FAM227B: variants seen among roughly 807,000 people sequenced by gnomAD.
FAM227B encodes family with sequence similarity 227 member B.
A neutral mutation model predicts 73.8 loss-of-function variants in FAM227B; 88 were observed. The ratio of observed to expected loss-of-function variants is 1.19; its 90% CI spans 1.00 to 1.42. FAM227B has a LOEUF of 1.42. FAM227B is among the 40% of genes most tolerant of loss of function. The pLI, the probability that FAM227B is intolerant of heterozygous loss-of-function variation, is 0.00. For synonymous variants in FAM227B, 210 were observed against 190.5 expected (o/e 1.10, Z -0.84); for missense variants, 632 against 590.9 (o/e 1.07, Z -0.72).
rs2074817726 is a variant in FAM227B at position 49,568,272 on chromosome 15, AG to A, written c.719del (p.Pro240LeufsTer2). ...GAAAAAATGCATCCTTTCGACTTAG[AG>A]GTATGCTCATGAAAAGTGTCACATA... is the stretch of plus-strand genomic sequence containing the variant. ...ESYVTLFMSIPLSRKDAFFQI... is the reference protein window; with the variant it reads ...ESYVTLFMSIXLSRKDAFFQI... On this transcript the variant is annotated frameshift_variant, in exon 9 of 16. Coordinates refer to ENST00000299338, the MANE Select transcript of FAM227B (RefSeq NM_152647.3). LOFTEE classifies it high-confidence loss of function. 2 of 1,609,478 alleles carry A rather than the reference AG, an allele frequency of 1.2e-6. No homozygotes were observed. The highest frequency in any genetic ancestry group is 1.7e-6 in the Non-Finnish European group (2 of 1,178,146).
At position 49,589,915 on chromosome 15, in the gene FAM227B, A is replaced by C. The variant is rs778713585; in HGVS notation, c.198T>G (p.Ile66Met). 3.9e-5 allele frequency: 62 copies of C among 1,593,818 alleles called. No individual in the cohort carries two copies. Among genetic ancestry groups the C allele is most frequent in the Non-Finnish European group, 5.3e-5 (62 of 1,161,716 alleles). Residue 66 changes from isoleucine to methionine, a missense_variant, in exon 4 of 16, where the codon ATT becomes ATG. Ile to Met is a conservative substitution (Grantham distance 10, BLOSUM62 1). Coordinates refer to ENST00000299338, the MANE Select transcript of FAM227B (RefSeq NM_152647.3). ...KIKEDSSFVS[I>M]YTHLWENVPR... is the part of the protein sequence containing the mutation. ...GAACATTTTCCCATAGGTGTGTATA[A>C]ATTGAAACAAATGAACTATCTTCTT...
intron 11 of FAM227B, among the ~76,000 whole-genome samples, chr15:49,445,498 C>T (rs541484677): frequency 2.6e-5 from 4 of 151,492 alleles, no homozygotes; most frequent in East Asian, 3.9e-4. Context: ...CTAAAACAAA[C>T]AGACCTTTTG....
At chr15:49,510,648 A>G (rs958527202) in intron 10 of FAM227B, among the ~76,000 whole-genome samples, 1 of 152,038 alleles carries the variant, frequency 6.6e-6, no homozygotes, top group Non-Finnish European at 1.5e-5. Flanking sequence ...AGTATTTTGG[A>G]GATTCAATTT....
intron 9 of FAM227B, among the ~76,000 whole-genome samples, chr15:49,543,822 T>TGAA (rs2071427491): frequency 6.6e-6 from 1 of 152,224 alleles, no homozygotes; most frequent in Admixed American, 6.5e-5. Flanking sequence ...TATTTGGCTT[T>TGAA]ATTTCAGTGT....
chr15:49,365,809 A>G, intron 13 of FAM227B: 1 of 868,354 alleles, frequency 1.2e-6, no homozygotes. Flanking sequence ...CAGTCCAGAG[A>G]GAAACATAAG....
intron 11 of FAM227B, among the ~76,000 whole-genome samples, chr15:49,372,243 C>CTTATAAATAAATGAAATAAAATCCAT (rs1567172933): frequency 3.9e-5 from 5 of 128,514 alleles, no homozygotes; most frequent in African/African-American, 1.1e-4. Flanking sequence ...ATAAAATTCA[C>CTTATAAATAAATGAAATAAAATCCAT]TTATAAATAA....
intron 11 of FAM227B, chr15:49,422,442 G>A (rs1044346676): frequency 1.3e-5 from 11 of 866,010 alleles, no homozygotes; most frequent in Non-Finnish European, 1.5e-5. Context: ...TATTCTTATT[G>A]AGGCAAAAAT....
intron 11 of FAM227B, among the ~76,000 whole-genome samples, chr15:49,492,246 T>C (rs2057179048): frequency 6.6e-6 from 1 of 151,962 alleles, no homozygotes; most frequent in African/African-American, 2.4e-5. Context: ...CTGTATACAA[T>C]TTAAATAGAA....
chr15:49,383,628 A>C (rs369014938), intron 11 of FAM227B, among the ~76,000 whole-genome samples: 2 of 152,252 alleles, frequency 1.3e-5, no homozygotes, highest in East Asian at 3.9e-4. Context: ...CAAAAAGTAC[A>C]GTCCCACAAA....
intron 10 of FAM227B, among the ~76,000 whole-genome samples, chr15:49,532,300 A>G (rs948890217): frequency 1.3e-5 from 2 of 151,742 alleles, no homozygotes; most frequent in African/African-American, 4.8e-5. Context: ...ATTATAGTTA[A>G]ACATCATGAG....
At chr15:49,421,402 T>C (rs1299741765) in intron 11 of FAM227B, among the ~76,000 whole-genome samples, 1 of 152,248 alleles carries the variant, frequency 6.6e-6, no homozygotes, top group African/African-American at 2.4e-5. Flanking sequence ...TGTTCATTAA[T>C]ATTACTTGGA....
chr15:49,366,832 A>T (rs2045299263), intron 13 of FAM227B: 4 of 542,032 alleles, frequency 7.4e-6, no homozygotes, highest in Non-Finnish European at 1.3e-5. Flanking sequence ...TGCAGCCCAC[A>T]CTCTAATTTA....
At chr15:49,345,663 C>T (rs967338256) in intron 13 of FAM227B, among the ~76,000 whole-genome samples, 2 of 152,188 alleles carry the variant, frequency 1.3e-5, no homozygotes, top group Non-Finnish European at 2.9e-5. Flanking sequence ...TGGTAAGCCA[C>T]TGAATGGAAG....
intron 3 of FAM227B, among the ~76,000 whole-genome samples, chr15:49,596,090 T>C (rs183584236): frequency 1.3e-5 from 2 of 152,080 alleles, no homozygotes; most frequent in Admixed American, 6.5e-5. Context: ...AATCTAGACA[T>C]GCAAACAGAG....
intron 11 of FAM227B, among the ~76,000 whole-genome samples, chr15:49,498,948 C>A (rs1365440255): frequency 6.6e-6 from 1 of 151,630 alleles, no homozygotes; most frequent in Admixed American, 6.6e-5. Flanking sequence ...GGGCGGATCA[C>A]GAGGTCAGGA....
At chr15:49,546,058 T>C (rs994173819) in intron 9 of FAM227B, among the ~76,000 whole-genome samples, 2 of 152,018 alleles carry the variant, frequency 1.3e-5, no homozygotes, top group African/African-American at 2.4e-5. Context: ...GCTGCACCCA[T>C]TAACTCGTCA....
chr15:49,610,867 C>T (rs1024047758), intron 3 of FAM227B, among the ~76,000 whole-genome samples: 6 of 152,130 alleles, frequency 3.9e-5, no homozygotes, highest in Non-Finnish European at 5.9e-5. Context: ...CTACAGATTA[C>T]CTGTCTCAGG....
At chr15:49,397,944 C>A (rs76074103) in intron 11 of FAM227B, among the ~76,000 whole-genome samples, 9 of 151,850 alleles carry the variant, frequency 5.9e-5, no homozygotes, top group Non-Finnish European at 1.0e-4. Context: ...ATCAACTAAC[C>A]AGCAAAATAA....
chr15:49,617,732 C>T (rs1459471418), intron 1 of FAM227B, among the ~76,000 whole-genome samples: 6 of 151,544 alleles, frequency 4.0e-5, no homozygotes, highest in African/African-American at 4.9e-5. Context: ...GTCTAGAGGT[C>T]GGGAATCTGA....
Sources: allele counts gnomAD v4.1 joint callset (sites outside exome capture counted in the v4.1 genomes callset), GRCh38; gene constraint gnomAD v4.1.1; transcripts MANE v1.5; gene names NCBI Gene and HGNC (gene_info 2026-07-23, HGNC 2026-07-21).